The following KIRREL3 variants were observed in gnomAD, a reference collection of about 807,000 sequenced individuals.
The protein encoded by KIRREL3 is kirre like nephrin family adhesion molecule 3.
Under a neutral mutation model 89.7 loss-of-function variants are expected in KIRREL3, and 36 were observed. The ratio of observed to expected loss-of-function variants is 0.40; its 90% CI spans 0.31 to 0.53. The LOEUF (loss-of-function observed/expected upper bound fraction) is 0.53, where lower values mean the gene tolerates loss of function less well. KIRREL3 is among the 20% of genes least tolerant of loss of function. The pLI is 0.49. For missense variants in KIRREL3, 864 were observed against 1,056.6 expected (o/e 0.82, Z 2.53); for synonymous variants, 445 against 441.4 (o/e 1.01, Z -0.10).
rs1225229009 is a variant in KIRREL3, at chr11:126,687,171, G to T, written c.56-124259C>A. Among the ~76,000 whole-genome samples the T allele has an allele frequency of 6.6e-6, 1 of 152,202 alleles. No individual in the cohort carries two copies. The highest frequency in any genetic ancestry group is 2.4e-5 in the African/African-American group (1 of 41,448). On this transcript the variant is annotated intron_variant, in intron 1 of 16. Coordinates refer to ENST00000525144, the MANE Select transcript of KIRREL3 (RefSeq NM_032531.4). This position sits in a 1 kb window ranked among gnomAD's most constrained non-coding sequence, Gnocchi z 4.6. ...CCCAGAAATAAGCTAAGTAACACCT[G>T]CAACACTGTCATCAAACGTGCTGAG...
rs1939246992 is a variant in KIRREL3, at chr11:126,551,359, G to C, written c.133+11476C>G. On this transcript the variant is annotated intron_variant, in intron 2 of 16. Transcript: ENST00000525144. The surrounding 1 kb of genome is among the most constrained non-coding windows in gnomAD (Gnocchi z 4.9). ...TGGGGCAGGGGAAAGGAGGGCCGGA[G>C]AGAGATCCTGTTTCCCGAGGCCTGC... Among the ~76,000 whole-genome samples the C allele has an allele frequency of 6.6e-6, 1 of 152,162 alleles. No homozygotes were observed. The highest frequency in any genetic ancestry group is 1.5e-5 in the Non-Finnish European group (1 of 68,030).
rs1944918643 is a variant in KIRREL3, at chr11:126,651,850, G to A, written c.56-88938C>T. Among the ~76,000 whole-genome samples, 4 of 152,146 alleles carry A rather than the reference G, an allele frequency of 2.6e-5. No individual in the cohort carries two copies. In the South Asian group the frequency reaches 8.3e-4, roughly 32 times the overall value. On this transcript the variant is annotated intron_variant, in intron 1 of 16. Coordinates refer to ENST00000525144, the MANE Select transcript of KIRREL3 (RefSeq NM_032531.4). This position sits in a 1 kb window ranked among gnomAD's most constrained non-coding sequence, Gnocchi z 4.6. The stretch of plus-strand genomic sequence containing the variant: ...GGAGACAGCATTAATTGTGATGAAG[G>A]GTTCATAAAGCAGTGGATGTTCAAT...
chr11:126,588,135 C>A (rs575944887), intron 1 of KIRREL3, among the ~76,000 whole-genome samples: 1 of 152,120 alleles, frequency 6.6e-6, no homozygotes, highest in African/African-American at 2.4e-5. Context: ...TATTGTTCCC[C>A]GGCTCATGGA....
intron 4 of KIRREL3, among the ~76,000 whole-genome samples, chr11:126,505,604 A>G (rs1591647091): frequency 1.3e-5 from 2 of 152,328 alleles, no homozygotes; most frequent in Admixed American, 1.3e-4. Flanking sequence ...AAGATCCAAC[A>G]GTCATACACA....
intron 1 of KIRREL3, among the ~76,000 whole-genome samples, chr11:126,798,847 G>A (rs1227474219): frequency 2.0e-5 from 3 of 152,204 alleles, no homozygotes; most frequent in Non-Finnish European, 2.9e-5. Context: ...CTAAAGCTGG[G>A]TTCAGTTTTG....
At chr11:126,923,198 CT>C (rs1249241362) in intron 1 of KIRREL3, among the ~76,000 whole-genome samples, 973 of 7,104 alleles carry the variant, frequency 0.14, 260 homozygotes, top group Middle Eastern at 0.5. Flanking sequence ...TCTTCTTCTT[CT>C]TCTTCTTCTT....
At position 126,724,746 on chromosome 11, in the gene KIRREL3, G is replaced by C. The variant is rs1407622118; in HGVS notation, c.56-161834C>G. ...GGAAGCAAGACTGAGACCTGCTTATGGGCCAAGGGTTCTTAGTATTAGATA... is the reference window on the plus strand; with the variant it reads ...GGAAGCAAGACTGAGACCTGCTTATCGGCCAAGGGTTCTTAGTATTAGATA... On this transcript the variant is annotated intron_variant, in intron 1 of 16. Coordinates refer to ENST00000525144, the MANE Select transcript of KIRREL3 (RefSeq NM_032531.4). The surrounding 1 kb of genome is among the most constrained non-coding windows in gnomAD (Gnocchi z 4.3). Among the ~76,000 whole-genome samples the C allele has an allele frequency of 6.6e-6, 1 of 152,208 alleles. No homozygotes were observed. Among genetic ancestry groups the C allele is most frequent in the African/African-American group, 2.4e-5 (1 of 41,454 alleles).
Position 126,531,162 on chromosome 11 carries a change from GC to G in KIRREL3, c.134-4476del, listed in dbSNP as rs1263907560. ...GTTTTGAGTCTGTCACCATCACTGAGCCTAGCCCAGCAGGCTGTACATCTCT... is the reference window on the plus strand; with the variant it reads ...GTTTTGAGTCTGTCACCATCACTGAGCTAGCCCAGCAGGCTGTACATCTCT... On this transcript the variant is annotated intron_variant, in intron 2 of 16. Transcript: ENST00000525144. This position sits in a 1 kb window ranked among gnomAD's most constrained non-coding sequence, Gnocchi z 4.7. 6.6e-6 allele frequency among the ~76,000 whole-genome samples: 1 copy of G among 152,136 alleles called. No homozygotes were observed. The highest frequency in any genetic ancestry group is 1.5e-5 in the Non-Finnish European group (1 of 68,014).
intron 1 of KIRREL3, among the ~76,000 whole-genome samples, chr11:126,979,946 T>TA (rs1342007829): frequency 6.6e-6 from 1 of 152,148 alleles, no homozygotes; most frequent in Admixed American, 6.5e-5. Flanking sequence ...TTTAAAACAT[T>TA]AGAGTTTCTC....
chr11:126,512,300 T>C (rs1334759777), intron 4 of KIRREL3, among the ~76,000 whole-genome samples: 1 of 152,220 alleles, frequency 6.6e-6, no homozygotes, highest in Non-Finnish European at 1.5e-5. Flanking sequence ...GAGGTGTGTG[T>C]GTTAAGTACC....
At chr11:126,800,761 G>C (rs570255247) in intron 1 of KIRREL3, among the ~76,000 whole-genome samples, 1 of 152,262 alleles carries the variant, frequency 6.6e-6, no homozygotes, top group South Asian at 2.1e-4. Context: ...TGAACTCCAG[G>C]CTTTCTGGCT....
chr11:126,930,654 C>A (rs575601996), intron 1 of KIRREL3, among the ~76,000 whole-genome samples: 1 of 152,172 alleles, frequency 6.6e-6, no homozygotes, highest in Admixed American at 6.5e-5. Context: ...ATTGCTTCAT[C>A]CCCTGACTAC....
At chr11:126,470,466 G>T (rs1956855655) in intron 5 of KIRREL3, among the ~76,000 whole-genome samples, 1 of 152,222 alleles carries the variant, frequency 6.6e-6, no homozygotes. Flanking sequence ...CCAGGTGCTG[G>T]GTTCTTTGAT....
intron 4 of KIRREL3, among the ~76,000 whole-genome samples, chr11:126,500,700 A>T (rs950696766): frequency 6.7e-6 from 1 of 150,026 alleles, no homozygotes; most frequent in African/African-American, 2.5e-5. Flanking sequence ...AGATCGCACC[A>T]CTGCACTATA....
At chr11:126,717,310 T>G (rs1948003269) in intron 1 of KIRREL3, among the ~76,000 whole-genome samples, 1 of 151,940 alleles carries the variant, frequency 6.6e-6, no homozygotes, top group Admixed American at 6.6e-5. Flanking sequence ...GTCATGTTAT[T>G]TAATGAAATA....
chr11:126,541,170 C>T lies in KIRREL3; in HGVS notation c.134-14483G>A, dbSNP rs542215675. Among the ~76,000 whole-genome samples, 60 of 152,296 alleles carry T rather than the reference C, an allele frequency of 3.9e-4. No homozygotes were observed. The highest frequency in any genetic ancestry group is 7.5e-4 in the Non-Finnish European group (51 of 68,030). On this transcript the variant is annotated intron_variant, in intron 2 of 16. Coordinates refer to ENST00000525144, the MANE Select transcript of KIRREL3 (RefSeq NM_032531.4). This position sits in a 1 kb window ranked among gnomAD's most constrained non-coding sequence, Gnocchi z 4.8. ...TGGCTGACTCCAAGATGCCCAGCAC[C>T]TCTTGCTCCCATGTCTAAGGGGTAC...
At chr11:126,717,197 C>A (rs957714793) in intron 1 of KIRREL3, among the ~76,000 whole-genome samples, 1 of 152,184 alleles carries the variant, frequency 6.6e-6, no homozygotes, top group Non-Finnish European at 1.5e-5. Context: ...GCTGTTGAAC[C>A]CACTGGCATC....
intron 4 of KIRREL3, among the ~76,000 whole-genome samples, chr11:126,480,957 CAA>C (rs975013038): frequency 3.9e-5 from 6 of 152,154 alleles, no homozygotes; most frequent in African/African-American, 9.7e-5. Context: ...GATGTAGAGA[CAA>C]GAGGGAGCTG....
rs12801205 is a variant in KIRREL3, at chr11:126,484,084, G to A, written c.434-10618C>T. Among the ~76,000 whole-genome samples, 21,965 of 152,146 alleles carry A rather than the reference G, an allele frequency of 0.14. 1,802 individuals are homozygous for A. Among genetic ancestry groups the A allele is most frequent in the Non-Finnish European group, 0.19 (12,788 of 67,994 alleles). On this transcript the variant is annotated intron_variant, in intron 4 of 16. Transcript: ENST00000525144. This position sits in a 1 kb window ranked among gnomAD's most constrained non-coding sequence, Gnocchi z 5.2. ...TGGTCCTTGCCAAATTCTCTCTCTA[G>A]TACTTAGTACAGTGCCTGGCATAGT...
Sources: allele counts gnomAD v4.1 joint callset (sites outside exome capture counted in the v4.1 genomes callset), GRCh38; gene constraint gnomAD v4.1.1; non-coding constraint Gnocchi (gnomAD v3.1); transcripts MANE v1.5; gene names NCBI Gene and HGNC (gene_info 2026-07-23, HGNC 2026-07-21).